Variants in ARSG observed in about 807,000 individuals in gnomAD.
ARSG encodes arylsulfatase G.
In ARSG, 37 loss-of-function variants were observed where a neutral mutation model predicts 50.5. The observed-to-expected ratio is 0.73, with a 90% CI of 0.56 to 0.96. ARSG has a LOEUF of 0.96. Among genes scored for constraint, ARSG ranks in the 50% least tolerant of loss-of-function variants. The pLI, the probability that ARSG is intolerant of heterozygous loss-of-function variation, is 0.00. For missense variants in ARSG, 629 were observed against 675.3 expected (o/e 0.93, Z 0.76); for synonymous variants, 225 against 254.6 (o/e 0.88, Z 1.11).
At chr17:68,272,392 A>G (rs757591757) in intron 1 of ARSG, among the ~76,000 whole-genome samples, 2 of 152,244 alleles carry the variant, frequency 1.3e-5, no homozygotes, top group Non-Finnish European at 2.9e-5. Context: ...TGCATGTGTC[A>G]AGAAAGCCCT....
At chr17:68,265,131 G>A (rs557643996) in intron 1 of ARSG, among the ~76,000 whole-genome samples, 33 of 148,654 alleles carry the variant, frequency 2.2e-4, no homozygotes, top group African/African-American at 6.7e-4. Flanking sequence ...TCCAGCCTGG[G>A]CAACAAGGGT....
intron 8 of ARSG, among the ~76,000 whole-genome samples, chr17:68,374,184 A>C (rs1295999543): frequency 6.7e-6 from 1 of 149,482 alleles, no homozygotes; most frequent in Non-Finnish European, 1.5e-5. Flanking sequence ...AAGAAACAAG[A>C]GCCTAGAGAA....
chr17:68,309,785 G>C (rs561095629), intron 2 of ARSG, among the ~76,000 whole-genome samples: 2 of 151,892 alleles, frequency 1.3e-5, no homozygotes, highest in East Asian at 2.0e-4. Context: ...CTTGAACCTG[G>C]GAGGCAGAGG....
chr17:68,368,667 A>G lies in ARSG; in HGVS notation c.824A>G (p.Glu275Gly). The G allele has an allele frequency of 6.2e-7, 1 of 1,614,158 alleles. No homozygotes were observed. Among genetic ancestry groups the G allele is most frequent in the Admixed American group, 1.7e-5 (1 of 59,984 alleles). Reference protein sequence around the residue: ...GRSLYGAGLWEMDSLVGQIKD... With the variant: ...GRSLYGAGLWGMDSLVGQIKD... The stretch of plus-strand genomic sequence containing the variant: ...AGCCTGTATGGTGCAGGGCTCTGGG[A>G]GATGGACAGTCTGGTGGGCCAGATC... The change falls in exon 7 of 12, where the codon GAG (glutamate) becomes GGG (glycine). Residue 275 changes from glutamate (E) to glycine (G), a missense_variant. Coordinates refer to ENST00000621439, the MANE Select transcript of ARSG (RefSeq NM_001267727.2).
the ARSG span, among the ~76,000 whole-genome samples, chr17:68,433,813 C>T: frequency 1.7e-5 from 2 of 116,160 alleles, no homozygotes; most frequent in Non-Finnish European, 3.2e-5. Context: ...CAGAGTCTCT[C>T]GCTCTGTTGC....
chr17:68,267,644 T>C (rs1432322301), intron 1 of ARSG: 14 of 152,150 alleles, frequency 9.2e-5, no homozygotes, highest in Non-Finnish European at 1.8e-4. Flanking sequence ...CAGGGTGAGA[T>C]TGTGGTAAAA....
intron 1 of ARSG, among the ~76,000 whole-genome samples, chr17:68,272,979 A>G (rs2075389749): frequency 6.6e-6 from 1 of 151,974 alleles, no homozygotes; most frequent in Admixed American, 6.6e-5. Flanking sequence ...GATACTAAAA[A>G]TATAACTTTT....
Position 68,283,522 on chromosome 17 carries a change from G to GAA in ARSG, c.-551-23408_-551-23407dup, listed in dbSNP as rs368039909. On this transcript the variant is annotated intron_variant, in intron 1 of 11. Transcript: ENST00000448504. ...GGCGACAGAGTGAGACTCCGTATCA[G>GAA]AAAAAAAAAAAAAAGGCTGGGCACG... Among the ~76,000 whole-genome samples, 146 of 112,194 alleles carry GAA rather than the reference G, an allele frequency of 1.3e-3. No individual in the cohort carries two copies. The Middle Eastern group carries it at 0.023, about 18-fold the overall frequency. The allele number at this position is 112,194 out of a possible 152,430, so 73.6% of individuals were successfully genotyped here.
chr17:68,324,070 C>CAG (rs2077402794), intron 2 of ARSG, among the ~76,000 whole-genome samples: 1 of 89,842 alleles, frequency 1.1e-5, no homozygotes, highest in Admixed American at 1.3e-4. Context: ...AAAACTCCAT[C>CAG]AAAAAAAAAA....
intron 2 of ARSG, among the ~76,000 whole-genome samples, chr17:68,320,704 C>G (rs1437629989): frequency 6.6e-6 from 1 of 152,074 alleles, no homozygotes; most frequent in African/African-American, 2.4e-5. Flanking sequence ...CTGAAGTCAT[C>G]CACCTACATT....
intron 5 of ARSG, among the ~76,000 whole-genome samples, chr17:68,356,352 A>G (rs1194665264): frequency 6.6e-6 from 1 of 152,188 alleles, no homozygotes; most frequent in Admixed American, 6.5e-5. Flanking sequence ...GCTTGACATC[A>G]TTTAGGTTCT....
intron 11 of ARSG, among the ~76,000 whole-genome samples, chr17:68,411,282 C>T (rs1008717223): frequency 1.3e-5 from 2 of 152,224 alleles, no homozygotes; most frequent in African/African-American, 2.4e-5. Flanking sequence ...TTTCCCTCTA[C>T]ACACTGCTTT....
the ARSG span, among the ~76,000 whole-genome samples, chr17:68,445,914 C>T: frequency 5.3e-5 from 8 of 152,282 alleles, no homozygotes; most frequent in Non-Finnish European, 1.0e-4. Context: ...GGGCTCTCCC[C>T]GGAGATTCTG....
intron 1 of ARSG, among the ~76,000 whole-genome samples, chr17:68,301,650 T>C (rs563053612): frequency 6.6e-6 from 1 of 152,246 alleles, no homozygotes; most frequent in African/African-American, 2.4e-5. Context: ...TCTGTTACAA[T>C]GTAAACCAGA....
chr17:68,437,445 C>A, the ARSG span, among the ~76,000 whole-genome samples: 1 of 151,868 alleles, frequency 6.6e-6, no homozygotes, highest in African/African-American at 2.4e-5. Context: ...GTCCCAGCTA[C>A]TCGGGAGGCT....
intron 3 of ARSG, chr17:68,346,866 G>T: frequency 7.1e-7 from 1 of 1,417,964 alleles, no homozygotes; most frequent in Non-Finnish European, 9.3e-7. Flanking sequence ...AGGCTTCTCC[G>T]GGCTCCTGGT....
At chr17:68,318,792 C>T (rs561468845) in intron 2 of ARSG, among the ~76,000 whole-genome samples, 8 of 152,126 alleles carry the variant, frequency 5.3e-5, no homozygotes, top group African/African-American at 9.7e-5. Context: ...TGGCTTAGCT[C>T]GGAATCAAAG....
intron 11 of ARSG, among the ~76,000 whole-genome samples, chr17:68,413,225 C>T (rs900913444): frequency 1.4e-4 from 22 of 152,292 alleles, no homozygotes; most frequent in African/African-American, 4.6e-4. Context: ...AGTTTTTCTG[C>T]TCTGTTTTTT....
At chr17:68,305,379 CA>C (rs1318494791) in intron 1 of ARSG, among the ~76,000 whole-genome samples, 1 of 152,088 alleles carries the variant, frequency 6.6e-6, no homozygotes, top group Non-Finnish European at 1.5e-5. Context: ...TTTTGTTTTC[CA>C]GCAACTTTGC....
Sources: allele counts gnomAD v4.1 joint callset (sites outside exome capture counted in the v4.1 genomes callset), GRCh38; gene constraint gnomAD v4.1.1; transcripts MANE v1.5; gene names NCBI Gene and HGNC (gene_info 2026-07-23, HGNC 2026-07-21).